The following DNAI3 variants were observed in gnomAD, a reference collection of about 807,000 sequenced individuals.
DNAI3 encodes dynein axonemal intermediate chain 3.
In DNAI3, 83 loss-of-function variants were observed where a neutral mutation model predicts 115.5. The observed-to-expected ratio is 0.72, with a 90% CI of 0.60 to 0.86. DNAI3 has a LOEUF of 0.86. Ranked by LOEUF, DNAI3 falls within the 40% of genes least tolerant of loss-of-function variation. DNAI3 has a pLI of 0.00. For synonymous variants in DNAI3, 320 were observed against 347.0 expected (o/e 0.92, Z 0.86); for missense variants, 1,004 against 1,075.8 (o/e 0.93, Z 0.93).
chr1:85,102,511 T>C (rs1475399195), intron 13 of DNAI3, among the ~76,000 whole-genome samples: 1 of 152,152 alleles, frequency 6.6e-6, no homozygotes, highest in Admixed American at 6.5e-5. Flanking sequence ...AAGAAATTAA[T>C]AGTAAGGCAA....
At chr1:85,103,840 T>C (rs960176402) in intron 13 of DNAI3, among the ~76,000 whole-genome samples, 2 of 150,994 alleles carry the variant, frequency 1.3e-5, no homozygotes, top group East Asian at 1.9e-4. Context: ...TGAGCTGAGA[T>C]TGTGCCACTG....
intron 2 of DNAI3, 32 bp from the exon 3 acceptor site, chr1:85,073,022 T>C: frequency 7.3e-7 from 1 of 1,375,604 alleles, no homozygotes; most frequent in Admixed American, 2.3e-5. Flanking sequence ...GATTCAAAAA[T>C]GTAAATTTGA....
At position 85,130,089 on chromosome 1, in the gene DNAI3, C is replaced by A; in HGVS notation, c.2509C>A (p.Leu837Ile). 6.2e-7 allele frequency: 1 copy of A among 1,613,478 alleles called. No homozygotes were observed. The highest frequency in any genetic ancestry group is 8.5e-7 in the Non-Finnish European group (1 of 1,179,686). ...TGAGCAAGAAAAGAAAGAAATGGAA[C>A]TAGAAATGGCAAAGAAAAAAGTTGT... ...IREQEKKEME[L>I]EMAKKKVKTY... Residue 837 changes from leucine (L) to isoleucine (I), a missense_variant, in exon 22 of 23, where the codon CTA (leucine) becomes ATA (isoleucine). By Grantham distance (5) the Leu-to-Ile change is conservative. Coordinates refer to ENST00000294664, the MANE Select transcript of DNAI3 (RefSeq NM_145172.5).
At position 85,075,116 on chromosome 1, in the gene DNAI3, C is replaced by T. The variant is rs539008083; in HGVS notation, c.103+2024C>T. On this transcript the variant is annotated intron_variant, in intron 3 of 22. Transcript: ENST00000294664. ...GTTATGTTGCCCAGGCTGTCTTGAA[C>T]TCCTGGGCTCAAGGGATCCTCTTGC... Among the ~76,000 whole-genome samples, 108 of 152,064 alleles carry T rather than the reference C, an allele frequency of 7.1e-4. 3 individuals carry two copies. Among genetic ancestry groups the T allele is most frequent in the Admixed American group, 4.6e-4 (7 of 15,278 alleles).
Position 85,070,129 on chromosome 1 carries a change from C to T in DNAI3, c.-14-1799C>T, listed in dbSNP as rs144193188. Among the ~76,000 whole-genome samples the T allele has an allele frequency of 2.6e-3, 398 of 152,080 alleles. 14 individuals carry two copies. In the East Asian group the frequency reaches 0.051, roughly 19 times the overall value. ...TACAAAAATTAGCCGGGCGTGCTGG[C>T]GTGCACCTGTAGTCCCAGCTACTTG... On this transcript the variant is annotated intron_variant, in intron 1 of 22. Transcript: ENST00000294664.
At chr1:85,099,004 G>A (rs1655207337) in intron 13 of DNAI3, among the ~76,000 whole-genome samples, 1 of 152,150 alleles carries the variant, frequency 6.6e-6, no homozygotes, top group Non-Finnish European at 1.5e-5. Flanking sequence ...CAGATATCTG[G>A]GGGAAGGGAA....
chr1:85,119,431 A>G (rs1655925056), intron 17 of DNAI3, among the ~76,000 whole-genome samples: 1 of 152,246 alleles, frequency 6.6e-6, no homozygotes. Flanking sequence ...GAATTATACA[A>G]TATTTGTCCT....
chr1:85,096,336 G>C (rs1655123977), intron 11 of DNAI3, among the ~76,000 whole-genome samples: 1 of 151,502 alleles, frequency 6.6e-6, no homozygotes, highest in Non-Finnish European at 1.5e-5. Context: ...ACTACCTCTT[G>C]GAAAAAAAGG....
intron 1 of DNAI3, among the ~76,000 whole-genome samples, chr1:85,066,503 A>G (rs2100549860): frequency 6.6e-6 from 1 of 151,220 alleles, no homozygotes; most frequent in African/African-American, 2.4e-5. Context: ...ATTTTTTTGT[A>G]TTTTTAATAG....
chr1:85,121,629 T>C, intron 17 of DNAI3, 122 bp from the exon 18 acceptor site: 2 of 852,036 alleles, frequency 2.3e-6, no homozygotes, highest in Non-Finnish European at 3.7e-6. Flanking sequence ...TCAAATTACT[T>C]GATTAAATTG....
chr1:85,090,166 A>G lies in DNAI3; in HGVS notation c.791A>G (p.Glu264Gly). Reference protein sequence around the residue: ...TTQYYPREFSEEEKETLKQSK... With the variant: ...TTQYYPREFSGEEKETLKQSK... ...CAATATTATCCAAGAGAATTCTCAG[A>G]AGAGGAAAAAGAGACACTCAAACAA... The change falls in exon 8 of 23, where the codon GAA becomes GGA. Residue 264 changes from glutamate to glycine, a missense_variant. This residue lies in a region of DNAI3 where 550 missense variants were observed against 568.1 expected (regional missense o/e 0.97). Coordinates refer to ENST00000294664, the MANE Select transcript of DNAI3 (RefSeq NM_145172.5). 1 of 1,593,498 alleles carries G rather than the reference A, an allele frequency of 6.3e-7. No individual in the cohort carries two copies. Among genetic ancestry groups the G allele is most frequent in the South Asian group, 1.2e-5 (1 of 84,578 alleles).
intron 5 of DNAI3, among the ~76,000 whole-genome samples, chr1:85,083,004 T>C (rs770976984): frequency 6.6e-6 from 1 of 152,152 alleles, no homozygotes; most frequent in Non-Finnish European, 1.5e-5. Flanking sequence ...AGGATTCATA[T>C]AGGTAAAGCC....
chr1:85,091,886 C>T (rs1654986235), intron 8 of DNAI3, among the ~76,000 whole-genome samples: 1 of 152,186 alleles, frequency 6.6e-6, no homozygotes, highest in African/African-American at 2.4e-5. Context: ...TGAATTACTT[C>T]CCCGTTCTGG....
chr1:85,076,082 G>A (rs924011068), intron 3 of DNAI3, among the ~76,000 whole-genome samples: 1 of 152,142 alleles, frequency 6.6e-6, no homozygotes, highest in Non-Finnish European at 1.5e-5. Context: ...GCCTTTTTCA[G>A]CTTCTAGAGG....
At chr1:85,131,444 CAA>C (rs750127280) in intron 22 of DNAI3, among the ~76,000 whole-genome samples, 1 of 16,872 alleles carries the variant, frequency 5.9e-5, no homozygotes, top group Non-Finnish European at 1.3e-4. Context: ...AACTCCATCT[CAA>C]AAAAAAAAAA....
At chr1:85,082,252 T>A in intron 4 of DNAI3, 48 bp from the exon 5 acceptor site, 2 of 1,435,024 alleles carry the variant, frequency 1.4e-6, no homozygotes, top group Non-Finnish European at 1.9e-6. Flanking sequence ...CAAAATAAAC[T>A]GAATGACCAT....
At position 85,117,249 on chromosome 1, in the gene DNAI3, A is replaced by T. The variant is rs114287112; in HGVS notation, c.1787-480A>T. On this transcript the variant is annotated intron_variant, in intron 16 of 22. Coordinates refer to ENST00000294664, the MANE Select transcript of DNAI3 (RefSeq NM_145172.5). ...AAATAGGATATTATCCAGTTTTTTA[A>T]AAAAAAGTGAATTTACAAGAAAAGT... Among the ~76,000 whole-genome samples, 654 of 152,286 alleles carry T rather than the reference A, an allele frequency of 4.3e-3. 4 individuals carry two copies. The highest frequency in any genetic ancestry group is 0.015 in the African/African-American group (612 of 41,546).
chr1:85,080,198 C>T (rs1055702850), intron 3 of DNAI3, among the ~76,000 whole-genome samples: 1 of 151,570 alleles, frequency 6.6e-6, no homozygotes, highest in Non-Finnish European at 1.5e-5. Flanking sequence ...ACTACAGGCG[C>T]GTGCCACCAT....
intron 1 of DNAI3, 53 bp from the exon 2 acceptor site, chr1:85,071,875 T>C: frequency 6.7e-7 from 1 of 1,498,694 alleles, no homozygotes; most frequent in Non-Finnish European, 9.1e-7. Flanking sequence ...TTTGAAATTG[T>C]AAGTTGTTTG....
Sources: gnomAD v4.1 joint callset for allele counts (sites outside exome capture counted in the v4.1 genomes callset) on GRCh38, gnomAD v4.1.1 for gene constraint, gnomAD v4.1.1 regional missense constraint, MANE v1.5 for transcripts, NCBI Gene and HGNC (gene_info 2026-07-23, HGNC 2026-07-21) for gene names.